Variants in HECTD2 observed in about 807,000 individuals in gnomAD.
HECTD2 encodes the protein probable E3 ubiquitin-protein ligase HECTD2.
Under a neutral mutation model 103.2 loss-of-function variants are expected in HECTD2, and 35 were observed. The observed-to-expected ratio is 0.34, with a 90% CI of 0.26 to 0.45. HECTD2 has a LOEUF of 0.45. HECTD2 is among the 20% of genes least tolerant of loss of function. The pLI is 1.00. For missense variants in HECTD2, 596 were observed against 937.4 expected (o/e 0.64, Z 4.76); for synonymous variants, 281 against 329.9 (o/e 0.85, Z 1.61).
At chr10:91,469,604 G>T (rs1845652951) in intron 5 of HECTD2, among the ~76,000 whole-genome samples, 1 of 152,170 alleles carries the variant, frequency 6.6e-6, no homozygotes. Context: ...CCTTAAGGGA[G>T]TACTAAATAT....
In HECTD2 at chr10:91,461,264, G is replaced by C. The variant is rs762055828; in HGVS notation, c.418G>C (p.Glu140Gln). ...GTGTTTTCATTTTAGGGAAGATGTA[G>C]AAAAAGTTAAGTCATCAGGAGATTG... ...KTVKDFQEDV[E>Q]KVKSSGDWKA... Residue 140 changes from glutamate (E) to glutamine (Q), a missense_variant, in exon 4 of 21, where the codon GAA (glutamate) becomes CAA (glutamine). Physicochemically the swap from Glu to Gln is conservative, Grantham distance 29 (BLOSUM62 2). Coordinates refer to ENST00000298068, the MANE Select transcript of HECTD2 (RefSeq NM_182765.6). 1.0e-5 allele frequency: 15 copies of C among 1,489,674 alleles called. No homozygotes were observed. Among genetic ancestry groups the C allele is most frequent in the Non-Finnish European group, 1.3e-5 (14 of 1,098,608 alleles). 92.3% of individuals were successfully genotyped at this position (1,489,674 alleles called of 1,614,324 possible).
intron 2 of HECTD2, among the ~76,000 whole-genome samples, chr10:91,453,079 G>T (rs1030938816): frequency 6.6e-6 from 1 of 152,154 alleles, no homozygotes; most frequent in Non-Finnish European, 1.5e-5. Context: ...ATTATATTTG[G>T]TAGTTGAAAC....
chr10:91,457,972 A>C lies in HECTD2; in HGVS notation c.269-2455A>C, dbSNP rs897669332. Among the ~76,000 whole-genome samples, 8 of 151,646 alleles carry C rather than the reference A, an allele frequency of 5.3e-5. No homozygotes were observed. The South Asian group carries it at 8.3e-4, about 16-fold the overall frequency. ...AGAAGAAAAAAGACATACAGATTAG[A>C]AAATAAGAAATAAGACTTTCCCTAT... On this transcript the variant is annotated intron_variant, in intron 2 of 20. Coordinates refer to ENST00000298068, the MANE Select transcript of HECTD2 (RefSeq NM_182765.6).
rs777360958 is a variant in HECTD2 at position 91,492,370 on chromosome 10, G to A, written c.1318G>A (p.Asp440Asn). The A allele has an allele frequency of 2.5e-6, 4 of 1,612,848 alleles. No individual in the cohort carries two copies. The highest frequency in any genetic ancestry group is 2.7e-5 in the African/African-American group (2 of 75,000). ...SLDELTRKRA[D>N]LKKKLKVTFV... Reference sequence around the variant, plus strand: ...CAAATAGCTAACCCGGAAAAGAGCCGATTTGAAAAAGAAGTTAAAAGTTAC... The same window carrying A: ...CAAATAGCTAACCCGGAAAAGAGCCAATTTGAAAAAGAAGTTAAAAGTTAC... Residue 440 changes from aspartate to asparagine, a missense_variant, in exon 13 of 21, where the codon GAT (aspartate) becomes AAT (asparagine). Coordinates refer to ENST00000298068, the MANE Select transcript of HECTD2 (RefSeq NM_182765.6).
intron 1 of HECTD2, among the ~76,000 whole-genome samples, chr10:91,419,405 A>G (rs1843259470): frequency 6.6e-6 from 1 of 152,088 alleles, no homozygotes; most frequent in East Asian, 1.9e-4. Flanking sequence ...TAATAGCAGA[A>G]CAGGTACTCT....
chr10:91,504,024 C>T (rs1345055848), intron 20 of HECTD2, among the ~76,000 whole-genome samples: 1 of 152,184 alleles, frequency 6.6e-6, no homozygotes, highest in Non-Finnish European at 1.5e-5. Flanking sequence ...CACACTGACA[C>T]CTCACACTGC....
chr10:91,483,643 A>G (rs1311337128), intron 8 of HECTD2, among the ~76,000 whole-genome samples: 1 of 151,984 alleles, frequency 6.6e-6, no homozygotes, highest in Admixed American at 6.6e-5. Context: ...GCAGTAAATT[A>G]TCATTATTCA....
At chr10:91,430,388 A>G (rs1396077546) in intron 2 of HECTD2, among the ~76,000 whole-genome samples, 1 of 152,150 alleles carries the variant, frequency 6.6e-6, no homozygotes, top group Non-Finnish European at 1.5e-5. Flanking sequence ...GTAGATGTCT[A>G]TTAGGTCCGC....
At chr10:91,430,136 A>C (rs1279464991) in intron 2 of HECTD2, among the ~76,000 whole-genome samples, 6 of 152,106 alleles carry the variant, frequency 3.9e-5, no homozygotes, top group Admixed American at 2.6e-4. Context: ...TTCGTTATGT[A>C]CCCAGTAGTC....
At chr10:91,500,436 A>T (rs1195727583) in intron 18 of HECTD2, 66 bp from the exon 19 acceptor site, 1 of 784,664 alleles carries the variant, frequency 1.3e-6, no homozygotes, top group African/African-American at 1.7e-5. Context: ...TCCAGTGAAA[A>T]TAGTTCCAGT....
intron 16 of HECTD2, 62 bp from the exon 17 acceptor site, chr10:91,498,810 T>C: frequency 1.0e-6 from 1 of 1,001,940 alleles, no homozygotes. Context: ...TTTACAAACC[T>C]GTTCACCAAA....
chr10:91,473,433 G>A (rs572506488), intron 5 of HECTD2, among the ~76,000 whole-genome samples: 131 of 152,212 alleles, frequency 8.6e-4, no homozygotes, highest in Admixed American at 1.8e-3. Flanking sequence ...ACCAACAGAC[G>A]TATACTTAAA....
intron 6 of HECTD2, among the ~76,000 whole-genome samples, chr10:91,479,182 T>G (rs1479021023): frequency 1.3e-5 from 2 of 152,154 alleles, no homozygotes; most frequent in African/African-American, 4.8e-5. Flanking sequence ...GCCACTGCAC[T>G]CCAGCCTGTT....
intron 1 of HECTD2, among the ~76,000 whole-genome samples, chr10:91,422,238 C>T (rs1219964853): frequency 6.6e-6 from 1 of 152,096 alleles, no homozygotes; most frequent in East Asian, 1.9e-4. Context: ...GGACCATTCT[C>T]CCTTTCTGAT....
At chr10:91,449,233 G>C (rs78154484) in intron 2 of HECTD2, among the ~76,000 whole-genome samples, 2 of 152,144 alleles carry the variant, frequency 1.3e-5, no homozygotes, top group African/African-American at 2.4e-5. Context: ...GGAATGCAAG[G>C]CTGGTTCAAC....
Position 91,410,465 on chromosome 10 carries a change from G to C in HECTD2, c.27G>C (p.Ser9=). Residue 9 remains serine (S), a synonymous_variant, in exon 1 of 21, where the codon TCG becomes TCC. Coordinates refer to ENST00000298068, the MANE Select transcript of HECTD2 (RefSeq NM_182765.6). MSEAVRVP[S]PATPLVVAAP... ...TGAGTGAGGCGGTTCGGGTACCCTCGCCCGCCACTCCGCTGGTGGTGGCGG... is the reference window on the plus strand; with the variant it reads ...TGAGTGAGGCGGTTCGGGTACCCTCCCCCGCCACTCCGCTGGTGGTGGCGG... 1 of 1,456,338 alleles carries C rather than the reference G, an allele frequency of 6.9e-7. No individual in the cohort carries two copies. Among genetic ancestry groups the C allele is most frequent in the Non-Finnish European group, 9.0e-7 (1 of 1,108,174 alleles). 90.2% of individuals were successfully genotyped at this position (1,456,338 alleles called of 1,614,324 possible).
intron 2 of HECTD2, among the ~76,000 whole-genome samples, chr10:91,450,839 A>T (rs946187460): frequency 6.6e-6 from 1 of 152,164 alleles, no homozygotes; most frequent in African/African-American, 2.4e-5. Flanking sequence ...TGCCAGTTAG[A>T]ATGGTGATCA....
chr10:91,425,140 G>A, intron 1 of HECTD2, 141 bp from the exon 2 acceptor site: 1 of 605,552 alleles, frequency 1.7e-6, no homozygotes, highest in East Asian at 3.5e-5. Flanking sequence ...CCTAGAAAAG[G>A]TAAGTCAAAT....
chr10:91,502,180 CTG>C (rs1564737390), intron 20 of HECTD2, among the ~76,000 whole-genome samples: 1 of 152,108 alleles, frequency 6.6e-6, no homozygotes, highest in Non-Finnish European at 1.5e-5. Context: ...AATCCAGAGA[CTG>C]TAAAATAAAG....
Sources: allele counts gnomAD v4.1 joint callset (sites outside exome capture counted in the v4.1 genomes callset), GRCh38; gene constraint gnomAD v4.1.1; transcripts MANE v1.5; gene names NCBI Gene and HGNC (gene_info 2026-07-23, HGNC 2026-07-21).